SMIM27: variants seen among roughly 807,000 people sequenced by gnomAD.
SMIM27 encodes TOPORS antisense RNA 1 (non-protein coding).
In SMIM27, 3 loss-of-function variants were observed where a neutral mutation model predicts 1.8. The observed-to-expected ratio is 1.65, with a 90% CI of 0.75 to 4.28. SMIM27 has a LOEUF of 4.28. SMIM27 is among the 30% of genes most tolerant of loss of function. The pLI is 0.02. For missense variants in SMIM27, 63 were observed against 37.0 expected (o/e 1.70, Z -1.83); for synonymous variants, 19 against 13.9 (o/e 1.37, Z -0.82).
chr9:32,552,286 G>C (rs2118986857), upstream of SMIM27: 1 of 1,173,188 alleles, frequency 8.5e-7, no homozygotes, highest in South Asian at 1.3e-5. Context: ...GGGCGGAAGA[G>C]GCCAGCGACA....
At chr9:32,551,457 G>T, upstream of SMIM27, 1 of 276,534 alleles carries the variant, frequency 3.6e-6, no homozygotes, top group Non-Finnish European at 7.3e-6. Flanking sequence ...TTCAGAGAGG[G>T]ATCCCCTCCA....
downstream of SMIM27, among the ~76,000 whole-genome samples, chr9:32,555,816 C>G (rs1451341202): frequency 1.3e-5 from 2 of 152,192 alleles, no homozygotes; most frequent in Non-Finnish European, 2.9e-5. Context: ...AGCCAGGAAC[C>G]AGGAAGAACG....
At chr9:32,556,062 C>T (rs927063215), downstream of SMIM27, among the ~76,000 whole-genome samples, 8 of 147,684 alleles carry the variant, frequency 5.4e-5, no homozygotes, top group Non-Finnish European at 1.2e-4. Flanking sequence ...TACTATTTTA[C>T]ATCATCTGGA....
rs1821331976 is a variant in SMIM27, at chr9:32,552,793, T to C, written c.46-8T>C. On this transcript the variant is annotated splice_polypyrimidine_tract_variant and splice_region_variant and intron_variant, in intron 1 of 1. Transcript: ENST00000692500. Reference sequence around the variant, plus strand: ...GATTTCACACCTCCTTTGCGATTTTTGGTTTAGTTGCTGCTTGCCATCGTT... The same window carrying C: ...GATTTCACACCTCCTTTGCGATTTTCGGTTTAGTTGCTGCTTGCCATCGTT... 1 of 700,272 alleles carries C rather than the reference T, an allele frequency of 1.4e-6. No individual in the cohort carries two copies. Among genetic ancestry groups the C allele is most frequent in the Non-Finnish European group, 2.6e-6 (1 of 384,124 alleles). 43.4% of individuals were successfully genotyped at this position (700,272 alleles called of 1,614,324 possible).
chr9:32,558,117 AT>A (rs74178816), intron 1 of SMIM27, among the ~76,000 whole-genome samples: 38 of 135,142 alleles, frequency 2.8e-4, no homozygotes, highest in Non-Finnish European at 3.0e-4. Context: ...CATAGTATAC[AT>A]TTTTTTTTTT....
intron 1 of SMIM27, chr9:32,565,396 G>T (rs566684607): frequency 1.3e-5 from 2 of 152,174 alleles, no homozygotes; most frequent in African/African-American, 4.8e-5. Context: ...TGGGCATTTA[G>T]AACAGTCAAG....
At chr9:32,551,566 T>C, upstream of SMIM27, 1 of 252,736 alleles carries the variant, frequency 4.0e-6, no homozygotes, top group Non-Finnish European at 8.4e-6. Context: ...CTCCCTGAAA[T>C]CTAGACTAAA....
Position 32,552,950 on chromosome 9 carries a change from T to C in SMIM27, c.*27T>C. 1 of 694,728 alleles carries C rather than the reference T, an allele frequency of 1.4e-6. No homozygotes were observed. Among genetic ancestry groups the C allele is most frequent in the Admixed American group, 2.1e-5 (1 of 48,278 alleles). The allele number at this position is 694,728 out of a possible 1,614,324, so 43.0% of individuals were successfully genotyped here. A position where few individuals can be genotyped will look rare whatever the true frequency, so the allele number is the denominator to read the frequency against. On this transcript the variant is annotated 3_prime_UTR_variant, in exon 2 of 2. Coordinates refer to ENST00000692500, the MANE Select transcript of SMIM27 (RefSeq NM_001387564.1). ...TCTTCTGGATTTAATTATCTGAAAATACAGTTCTTTCCCTCATGCTTATGT... is the reference window on the plus strand; with the variant it reads ...TCTTCTGGATTTAATTATCTGAAAACACAGTTCTTTCCCTCATGCTTATGT...
At chr9:32,552,310 C>T (rs1301029914), upstream of SMIM27, 2 of 1,390,372 alleles carry the variant, frequency 1.4e-6, no homozygotes, top group East Asian at 2.5e-5. Flanking sequence ...CTGCACGAAG[C>T]GAGTGGGCGG....
At chr9:32,562,422 T>C (rs886447898) in intron 1 of SMIM27, among the ~76,000 whole-genome samples, 56 of 152,288 alleles carry the variant, frequency 3.7e-4, no homozygotes, top group African/African-American at 1.3e-3. Flanking sequence ...GAGTAAGTTA[T>C]GTTGGGGGCA....
downstream of SMIM27, among the ~76,000 whole-genome samples, chr9:32,555,098 A>C (rs1821421072): frequency 6.6e-6 from 1 of 151,764 alleles, no homozygotes; most frequent in Non-Finnish European, 1.5e-5. Flanking sequence ...TCCTGACCAA[A>C]AAAAAAAAAA....
At chr9:32,554,829 T>C (rs1393833139), downstream of SMIM27, among the ~76,000 whole-genome samples, 1 of 152,132 alleles carries the variant, frequency 6.6e-6, no homozygotes, top group Non-Finnish European at 1.5e-5. Context: ...AAGATAAAGA[T>C]GGAAACAAAA....
chr9:32,552,539 G>A, intron 1 of SMIM27, 60 bp downstream of exon 1: 2 of 1,487,394 alleles, frequency 1.3e-6, no homozygotes, highest in Non-Finnish European at 1.8e-6. Context: ...CAGGCGGAAA[G>A]GCCCTATTTC....
downstream of SMIM27, chr9:32,553,010 C>T: frequency 1.7e-6 from 1 of 593,456 alleles, no homozygotes; most frequent in South Asian, 2.1e-5. Context: ...GCAAAGTTCC[C>T]AAGTTTATTT....
chr9:32,562,847 G>A (rs917132985), intron 1 of SMIM27, among the ~76,000 whole-genome samples: 4 of 152,152 alleles, frequency 2.6e-5, no homozygotes, highest in South Asian at 2.1e-4. Flanking sequence ...TGACTGTGCA[G>A]GCTCTTTAAA....
At chr9:32,558,116 C>CCTTTTTTTT (rs1563992291) in intron 1 of SMIM27, among the ~76,000 whole-genome samples, 1 of 86,556 alleles carries the variant, frequency 1.2e-5, no homozygotes, top group Non-Finnish European at 2.9e-5. Context: ...TCATAGTATA[C>CCTTTTTTTT]ATTTTTTTTT....
chr9:32,552,765 G>A (rs757469869), intron 1 of SMIM27, 36 bp from the exon 2 acceptor site: 5 of 694,810 alleles, frequency 7.2e-6, no homozygotes, highest in South Asian at 4.5e-5. Context: ...GAAATATCAG[G>A]TAGATTTCAC....
At chr9:32,558,116 C>CTTTTTTTTTT (rs1563992291) in intron 1 of SMIM27, among the ~76,000 whole-genome samples, 23 of 86,554 alleles carry the variant, frequency 2.7e-4, no homozygotes, top group African/African-American at 4.1e-4. Context: ...TCATAGTATA[C>CTTTTTTTTTT]ATTTTTTTTT....
At chr9:32,553,389 CTG>C (rs1219688853), downstream of SMIM27, 1 of 170,882 alleles carries the variant, frequency 5.9e-6, no homozygotes, top group East Asian at 1.8e-4. Context: ...CGGGGTTTCA[CTG>C]TGTTAGCCAT....
Sources: gnomAD v4.1 joint callset for allele counts (sites outside exome capture counted in the v4.1 genomes callset) on GRCh38, gnomAD v4.1.1 for gene constraint, MANE v1.5 for transcripts, NCBI Gene and HGNC (gene_info 2026-07-23, HGNC 2026-07-21) for gene names.